TLL2: variants seen among roughly 807,000 people sequenced by gnomAD.
TLL2 encodes tolloid like 2, also known as tolloid-like protein 2.
In TLL2, 106 loss-of-function variants were observed where a neutral mutation model predicts 123.0. The ratio of observed to expected loss-of-function variants is 0.86; its 90% CI spans 0.74 to 1.01. The LOEUF is 1.01. TLL2 is among the 50% of genes least tolerant of loss of function. The pLI is 0.00. For synonymous variants in TLL2, 494 were observed against 516.8 expected, an observed-to-expected ratio of 0.96 and a Z score of 0.60; for missense variants, 1,332 against 1,336.7, an observed-to-expected ratio of 1.00 and a Z score of 0.06.
intron 2 of TLL2, among the ~76,000 whole-genome samples, chr10:96,452,359 G>A (rs1196998100): frequency 1.3e-5 from 2 of 152,202 alleles, no homozygotes; most frequent in Non-Finnish European, 2.9e-5. Flanking sequence ...AAAGTCCTGA[G>A]GAGGGGAAGT....
chr10:96,472,581 A>T (rs1373324495), intron 2 of TLL2, among the ~76,000 whole-genome samples: 1 of 151,786 alleles, frequency 6.6e-6, no homozygotes, highest in Non-Finnish European at 1.5e-5. Context: ...GGGAAACAAC[A>T]TGACATCTCG....
intron 2 of TLL2, among the ~76,000 whole-genome samples, chr10:96,467,746 A>G (rs1215535622): frequency 6.6e-6 from 1 of 152,220 alleles, no homozygotes; most frequent in African/African-American, 2.4e-5. Context: ...TTCAATAAAT[A>G]CAAACAAAAA....
rs1232586488 is a variant in TLL2, at chr10:96,365,651, C to T, written c.*2437G>A. ...ATAATTGGAAGCACCAAGGCAGAGGCCTGGGACTTTCTGCTGAATGGACTC... is the reference window on the plus strand; with the variant it reads ...ATAATTGGAAGCACCAAGGCAGAGGTCTGGGACTTTCTGCTGAATGGACTC... On this transcript the variant is annotated 3_prime_UTR_variant, in exon 21 of 21. Transcript: ENST00000357947. The T allele has an allele frequency of 2.0e-5, 3 of 152,246 alleles. No homozygotes were observed. The highest frequency in any genetic ancestry group is 7.2e-5 in the African/African-American group (3 of 41,464). 9.4% of individuals were successfully genotyped at this position (152,246 alleles called of 1,614,324 possible). A position where few individuals can be genotyped will look rare whatever the true frequency, so the allele number is the denominator to read the frequency against.
At chr10:96,461,308 T>C (rs1847080136) in intron 2 of TLL2, among the ~76,000 whole-genome samples, 1 of 151,944 alleles carries the variant, frequency 6.6e-6, no homozygotes, top group African/African-American at 2.4e-5. Flanking sequence ...GAGTCCATGG[T>C]CCAGTGTGGG....
chr10:96,511,544 C>A (rs1191162080), intron 1 of TLL2, among the ~76,000 whole-genome samples: 1 of 152,240 alleles, frequency 6.6e-6, no homozygotes, highest in Non-Finnish European at 1.5e-5. Flanking sequence ...GCATCCCATT[C>A]TGTCTGTGAA....
chr10:96,393,492 A>G (rs1846308704), intron 13 of TLL2, among the ~76,000 whole-genome samples: 1 of 152,228 alleles, frequency 6.6e-6, no homozygotes, highest in Non-Finnish European at 1.5e-5. Context: ...GTGCAACAGA[A>G]GCTGTGCAAC....
intron 7 of TLL2, among the ~76,000 whole-genome samples, chr10:96,419,924 C>T (rs1038773242): frequency 6.6e-6 from 1 of 152,130 alleles, no homozygotes; most frequent in African/African-American, 2.4e-5. Flanking sequence ...AAGCACAGGG[C>T]AGGATTTGCT....
intron 1 of TLL2, among the ~76,000 whole-genome samples, chr10:96,511,379 G>A (rs1847630273): frequency 6.6e-6 from 1 of 152,158 alleles, no homozygotes; most frequent in Admixed American, 6.5e-5. Context: ...TTTCCCCCAG[G>A]TTGTCCTTAT....
At chr10:96,391,413 C>T (rs1297939363) in intron 13 of TLL2, among the ~76,000 whole-genome samples, 1 of 152,134 alleles carries the variant, frequency 6.6e-6, no homozygotes, top group Admixed American at 6.6e-5. Flanking sequence ...TTTGCCTATA[C>T]CTCTGTGGTA....
intron 2 of TLL2, among the ~76,000 whole-genome samples, chr10:96,467,251 G>C (rs1847140497): frequency 6.6e-6 from 1 of 152,026 alleles, no homozygotes; most frequent in Non-Finnish European, 1.5e-5. Flanking sequence ...GCAGAGCAGT[G>C]GCTCACCGCA....
At chr10:96,490,665 G>A (rs1241496884) in intron 1 of TLL2, among the ~76,000 whole-genome samples, 1 of 152,202 alleles carries the variant, frequency 6.6e-6, no homozygotes, top group Non-Finnish European at 1.5e-5. Flanking sequence ...AAGCAAATGA[G>A]TTATGTCTAT....
At chr10:96,490,257 A>T (rs1847398584) in intron 1 of TLL2, among the ~76,000 whole-genome samples, 1 of 152,266 alleles carries the variant, frequency 6.6e-6, no homozygotes, top group African/African-American at 2.4e-5. Flanking sequence ...TATAGTAAAG[A>T]ACCGTTAACT....
At chr10:96,482,180 C>T (rs938032548) in intron 1 of TLL2, among the ~76,000 whole-genome samples, 2 of 152,054 alleles carry the variant, frequency 1.3e-5, no homozygotes, top group African/African-American at 4.8e-5. Flanking sequence ...ATGGCGTGAA[C>T]CCGGGCGGCG....
chr10:96,496,024 A>G lies in TLL2; in HGVS notation c.176-15565T>C, dbSNP rs368586245. Among the ~76,000 whole-genome samples the G allele has an allele frequency of 4.6e-5, 7 of 152,348 alleles. No homozygotes were observed. The East Asian group carries it at 7.7e-4, about 17-fold the overall frequency. On this transcript the variant is annotated intron_variant, in intron 1 of 20. Transcript: ENST00000357947. The stretch of plus-strand genomic sequence containing the variant: ...CATCTAAGCAATGTCCTTGTTTTCC[A>G]TATGAGGAAACTGGGGTCCAAGAAG...
intron 1 of TLL2, among the ~76,000 whole-genome samples, chr10:96,497,491 G>C (rs1159060975): frequency 6.6e-6 from 1 of 152,162 alleles, no homozygotes; most frequent in Non-Finnish European, 1.5e-5. Flanking sequence ...GTTTCCTCCA[G>C]CTTCTGGTTG....
At chr10:96,491,549 G>T (rs147914271) in intron 1 of TLL2, among the ~76,000 whole-genome samples, 238 of 152,286 alleles carry the variant, frequency 1.6e-3, no homozygotes, top group African/African-American at 5.4e-3. Flanking sequence ...AATGTTTCAG[G>T]AATAGATTAT....
At chr10:96,494,542 C>T (rs1275473761) in intron 1 of TLL2, among the ~76,000 whole-genome samples, 2 of 152,222 alleles carry the variant, frequency 1.3e-5, no homozygotes, top group African/African-American at 4.8e-5. Flanking sequence ...CAGGACACTT[C>T]CTGATTTTCA....
chr10:96,392,546 G>A (rs1175038327), intron 13 of TLL2, among the ~76,000 whole-genome samples: 3 of 151,926 alleles, frequency 2.0e-5, no homozygotes, highest in Non-Finnish European at 4.4e-5. Context: ...AGCACCAGCA[G>A]TAAGGTGTGG....
chr10:96,378,022 C>T (rs1284113096), intron 17 of TLL2, among the ~76,000 whole-genome samples: 1 of 152,250 alleles, frequency 6.6e-6, no homozygotes, highest in African/African-American at 2.4e-5. Flanking sequence ...CTGTTCCTTC[C>T]CAGCTCAGTT....
Sources: gnomAD v4.1 joint callset for allele counts (sites outside exome capture counted in the v4.1 genomes callset) on GRCh38, gnomAD v4.1.1 for gene constraint, MANE v1.5 for transcripts, NCBI Gene and HGNC (gene_info 2026-07-23, HGNC 2026-07-21) for gene names.